Variants in FNBP4 observed in about 807,000 individuals in gnomAD.
FNBP4 encodes the protein formin-binding protein 4.
Under a neutral mutation model 119.3 loss-of-function variants are expected in FNBP4, and 34 were observed. The observed-to-expected ratio is 0.28, with a 90% CI of 0.22 to 0.38. FNBP4 has a LOEUF of 0.38. FNBP4 is among the 10% of genes least tolerant of loss of function. FNBP4 has a pLI of 1.00. For missense variants in FNBP4, 1,112 were observed against 1,228.9 expected (o/e 0.90, Z 1.42); for synonymous variants, 462 against 430.6 (o/e 1.07, Z -0.90).
chr11:47,749,254 G>A (rs146176777), intron 6 of FNBP4, among the ~76,000 whole-genome samples: 285 of 152,180 alleles, frequency 1.9e-3, no homozygotes, highest in Middle Eastern at 0.014. Context: ...CTGGGTGACA[G>A]AGTCAGATCC....
intron 16 of FNBP4, among the ~76,000 whole-genome samples, chr11:47,718,903 ATGT>A (rs1169686083): frequency 1.6e-5 from 2 of 127,840 alleles, no homozygotes; most frequent in Non-Finnish European, 3.2e-5. Context: ...CCCACCCAAC[ATGT>A]TTTTTTTTTT....
chr11:47,736,625 C>A lies in FNBP4; in HGVS notation c.1572G>T (p.Gln524His). The A allele has an allele frequency of 6.3e-7, 1 of 1,591,868 alleles. No homozygotes were observed. The highest frequency in any genetic ancestry group is 1.1e-5 in the South Asian group (1 of 89,342). ...TAAGTAATATACATACTTTCAAATC[C>A]TGTTCTTCTTCTACTTTTGGTGTTG... ...VQTTPKVEEE[Q>H]DLKFQIGELA... The change falls in exon 9 of 17, where the codon CAG becomes CAT. Residue 524 changes from glutamine to histidine, a missense_variant. Gln to His is a conservative substitution (Grantham distance 24, BLOSUM62 0). This residue lies in a region of FNBP4 where 826 missense variants were observed against 988.8 expected (regional missense o/e 0.84). Transcript: ENST00000263773.
chr11:47,743,083 C>T (rs960738877), intron 8 of FNBP4, among the ~76,000 whole-genome samples: 4 of 151,976 alleles, frequency 2.6e-5, no homozygotes, highest in African/African-American at 9.7e-5. Context: ...CCTCAGTTTC[C>T]TGTGAAGCAG....
At chr11:47,740,826 G>A (rs893891875) in intron 8 of FNBP4, among the ~76,000 whole-genome samples, 1 of 149,784 alleles carries the variant, frequency 6.7e-6, no homozygotes, top group Non-Finnish European at 1.5e-5. Context: ...TCCTGACCTC[G>A]TGATCCACCT....
Position 47,736,760 on chromosome 11 carries a change from A to C in FNBP4, c.1457-20T>G. 6.3e-7 allele frequency: 1 copy of C among 1,580,694 alleles called. No homozygotes were observed. On this transcript the variant is annotated intron_variant, in intron 8 of 16. Coordinates refer to ENST00000263773, the MANE Select transcript of FNBP4 (RefSeq NM_015308.5). ...CAATTGCTGTAAAAAAAACATGTAAAATTAAACCAAAGTACCAATACTTAT... is the reference window on the plus strand; with the variant it reads ...CAATTGCTGTAAAAAAAACATGTAACATTAAACCAAAGTACCAATACTTAT...
At chr11:47,721,899 A>G (rs1189147154) in intron 15 of FNBP4, among the ~76,000 whole-genome samples, 1 of 144,940 alleles carries the variant, frequency 6.9e-6, no homozygotes, top group African/African-American at 2.6e-5. Context: ...TAGATGCAGC[A>G]TTCCTATCAA....
Position 47,736,608 on chromosome 11 carries a change from A to G in FNBP4, c.1581+8T>C. On this transcript the variant is annotated splice_region_variant and intron_variant, in intron 9 of 16. Coordinates refer to ENST00000263773, the MANE Select transcript of FNBP4 (RefSeq NM_015308.5). ...AATTTGTCAAGTTGCATTAAGTAAT[A>G]TACATACTTTCAAATCCTGTTCTTC... 1 of 1,578,304 alleles carries G rather than the reference A, an allele frequency of 6.3e-7. No homozygotes were observed. The highest frequency in any genetic ancestry group is 1.1e-5 in the South Asian group (1 of 87,918).
rs1338549867 is a variant in FNBP4, at chr11:47,734,983, C to CG, written c.1582-855_1582-854insC. Among the ~76,000 whole-genome samples the CG allele has an allele frequency of 2.7e-5, 3 of 110,354 alleles. 1 individual carries two copies. The highest frequency in any genetic ancestry group is 4.1e-5 in the Non-Finnish European group (2 of 48,218). The allele number at this position is 110,354 out of a possible 152,430, so 72.4% of individuals were successfully genotyped here. ...CAAGACTCCATCACCCCAACACCCC[C>CG]CCCCCCAAAAAAAAAGGAAATCTAA... On this transcript the variant is annotated intron_variant, in intron 9 of 16. Transcript: ENST00000263773.
chr11:47,728,103 C>A (rs1023418142), intron 12 of FNBP4, among the ~76,000 whole-genome samples: 1 of 151,718 alleles, frequency 6.6e-6, no homozygotes, highest in African/African-American at 2.4e-5. Flanking sequence ...CTTGAACTCC[C>A]GACCTCAGGT....
chr11:47,753,136 T>C, intron 3 of FNBP4, 34 bp from the exon 4 acceptor site: 1 of 1,532,490 alleles, frequency 6.5e-7, no homozygotes, highest in Non-Finnish European at 8.8e-7. Flanking sequence ...ATGCAGTAAT[T>C]ATATCAAAAA....
chr11:47,745,595 T>C (rs538187643), intron 7 of FNBP4, among the ~76,000 whole-genome samples: 14 of 152,232 alleles, frequency 9.2e-5, no homozygotes, highest in East Asian at 3.9e-4. Context: ...CCGCTGAACA[T>C]AGACCCTTAT....
At chr11:47,736,320 G>A (rs1025326934) in intron 9 of FNBP4, among the ~76,000 whole-genome samples, 2 of 151,930 alleles carry the variant, frequency 1.3e-5, no homozygotes, top group African/African-American at 4.8e-5. Context: ...ACTTTGGGAG[G>A]CCAAGGTGGG....
At chr11:47,763,773 T>C (rs922309522) in intron 2 of FNBP4, among the ~76,000 whole-genome samples, 1 of 152,168 alleles carries the variant, frequency 6.6e-6, no homozygotes, top group Non-Finnish European at 1.5e-5. Flanking sequence ...ATGCTGGGAT[T>C]ACAAGCGTGA....
intron 8 of FNBP4, among the ~76,000 whole-genome samples, chr11:47,742,782 C>G (rs1222104310): frequency 6.6e-6 from 1 of 151,928 alleles, no homozygotes; most frequent in Non-Finnish European, 1.5e-5. Flanking sequence ...CCCAGCTACT[C>G]AGGAGGCTGA....
chr11:47,745,350 T>C (rs565069011), intron 7 of FNBP4, among the ~76,000 whole-genome samples: 1 of 152,202 alleles, frequency 6.6e-6, no homozygotes, highest in South Asian at 2.1e-4. Flanking sequence ...ATATTAATAT[T>C]AATATCCTGG....
chr11:47,765,405 A>G (rs1300293901), intron 1 of FNBP4, 43 bp from the exon 2 acceptor site: 1 of 1,379,536 alleles, frequency 7.2e-7, no homozygotes, highest in Non-Finnish European at 1.0e-6. Context: ...AAAAGAAAAG[A>G]AAAGAAAAGA....
intron 2 of FNBP4, among the ~76,000 whole-genome samples, chr11:47,764,966 A>G (rs1031857384): frequency 2.0e-5 from 3 of 152,202 alleles, no homozygotes; most frequent in African/African-American, 7.2e-5. Context: ...GAAAAGGAAT[A>G]GGAGTTGGCA....
intron 2 of FNBP4, 52 bp from the exon 3 acceptor site, chr11:47,754,716 A>C (rs1282792114): frequency 6.3e-7 from 1 of 1,586,316 alleles, no homozygotes; most frequent in East Asian, 2.2e-5. Context: ...AATATGTCCT[A>C]AGAAGCATCT....
Position 47,724,107 on chromosome 11 carries a change from T to A in FNBP4, c.2385A>T (p.Glu795Asp). The change falls in exon 14 of 17, where the codon GAA becomes GAT. Residue 795 changes from glutamate (E) to aspartate (D), a missense_variant. Glu to Asp is a conservative substitution (Grantham distance 45). This residue lies in a region of FNBP4 where 826 missense variants were observed against 988.8 expected (regional missense o/e 0.84). Coordinates refer to ENST00000263773, the MANE Select transcript of FNBP4 (RefSeq NM_015308.5). ...ACCTCTGAACCACTGCAGTGCTAAT[T>A]TCTGTAGCTTTCCTCTTTATTCCTT... ...STKGIKRKAT[E>D]ISTAVVQRSA... 3 of 1,614,240 alleles carry A rather than the reference T, an allele frequency of 1.9e-6. No individual in the cohort carries two copies. Among genetic ancestry groups the A allele is most frequent in the Non-Finnish European group, 2.5e-6 (3 of 1,180,034 alleles).
Sources: gnomAD v4.1 joint callset for allele counts (sites outside exome capture counted in the v4.1 genomes callset) on GRCh38, gnomAD v4.1.1 for gene constraint, gnomAD v4.1.1 regional missense constraint, MANE v1.5 for transcripts, NCBI Gene and HGNC (gene_info 2026-07-23, HGNC 2026-07-21) for gene names.